ARHGAP17: variants seen among roughly 807,000 people sequenced by gnomAD.
ARHGAP17 encodes rho GTPase-activating protein 17.
In ARHGAP17, 57 loss-of-function variants were observed where a neutral mutation model predicts 99.5. The ratio of observed to expected loss-of-function variants is 0.57; its 90% CI spans 0.46 to 0.71. The LOEUF (loss-of-function observed/expected upper bound fraction) is 0.71. Ranked by LOEUF, ARHGAP17 falls within the 30% of genes least tolerant of loss-of-function variation. The pLI, the probability that ARHGAP17 is intolerant of heterozygous loss-of-function variation, is 0.00. For synonymous variants in ARHGAP17, 417 were observed against 429.6 expected, an observed-to-expected ratio of 0.97 and a Z score of 0.36; for missense variants, 1,000 against 1,122.4, an observed-to-expected ratio of 0.89 and a Z score of 1.56.
At chr16:24,933,661 T>C (rs1319152646) in intron 18 of ARHGAP17, among the ~76,000 whole-genome samples, 2 of 151,958 alleles carry the variant, frequency 1.3e-5, no homozygotes, top group African/African-American at 4.8e-5. Flanking sequence ...CAATACTAAT[T>C]GTAAAGTCAT....
At chr16:24,984,188 C>T (rs189238942) in intron 1 of ARHGAP17, among the ~76,000 whole-genome samples, 3 of 152,214 alleles carry the variant, frequency 2.0e-5, no homozygotes, top group Middle Eastern at 3.4e-3. Context: ...ACTATGGGAG[C>T]CAGGGACTCC....
At chr16:24,951,331 T>A (rs910351450) in intron 12 of ARHGAP17, among the ~76,000 whole-genome samples, 1 of 152,174 alleles carries the variant, frequency 6.6e-6, no homozygotes, top group African/African-American at 2.4e-5. Flanking sequence ...AAAATGTGGA[T>A]CACAACATCA....
intron 14 of ARHGAP17, among the ~76,000 whole-genome samples, chr16:24,944,901 C>T (rs2051423122): frequency 6.6e-6 from 1 of 150,770 alleles, no homozygotes. Context: ...CAGGCGTGAG[C>T]CACCGCGCCT....
At chr16:24,939,236 G>A (rs925583694) in intron 17 of ARHGAP17, 128 bp downstream of exon 17, 3 of 813,508 alleles carry the variant, frequency 3.7e-6, no homozygotes, top group Non-Finnish European at 5.5e-6. Flanking sequence ...AACCAGAGGA[G>A]TGAAAGTAAA....
intron 13 of ARHGAP17, 120 bp from the exon 14 acceptor site, chr16:24,947,715 C>T: frequency 2.7e-6 from 2 of 736,480 alleles, no homozygotes; most frequent in Non-Finnish European, 4.6e-6. Flanking sequence ...GTTCCTAAAT[C>T]AGAATCTGGC....
chr16:24,976,983 TGGA>T (rs1384300080), intron 3 of ARHGAP17, among the ~76,000 whole-genome samples: 30 of 152,234 alleles, frequency 2.0e-4, no homozygotes, highest in Non-Finnish European at 4.1e-4. Flanking sequence ...CACATGATCG[TGGA>T]GCTTTTAAAA....
intron 3 of ARHGAP17, among the ~76,000 whole-genome samples, chr16:24,976,569 G>T (rs1250606148): frequency 1.3e-5 from 2 of 151,770 alleles, no homozygotes; most frequent in African/African-American, 4.8e-5. Context: ...GAAAGGAAAG[G>T]GGAAAGGGGA....
chr16:24,982,665 A>G (rs923315604), intron 1 of ARHGAP17, among the ~76,000 whole-genome samples: 13 of 152,100 alleles, frequency 8.5e-5, no homozygotes, highest in African/African-American at 3.1e-4. Context: ...TGACTGGTCC[A>G]AGCCTTGGTG....
At chr16:24,968,481 AT>A in intron 5 of ARHGAP17, 54 bp from the exon 6 acceptor site, 1 of 1,598,640 alleles carries the variant, frequency 6.3e-7, no homozygotes, top group Non-Finnish European at 8.6e-7. Flanking sequence ...TAGGTTAACC[AT>A]TTTAAAGTAT....
intron 15 of ARHGAP17, 94 bp from the exon 16 acceptor site, chr16:24,942,237 T>G (rs1434240739): frequency 1.6e-6 from 2 of 1,260,882 alleles, no homozygotes; most frequent in Admixed American, 4.6e-5. Context: ...AACCTCGTTC[T>G]TCAGTCCACA....
intron 3 of ARHGAP17, among the ~76,000 whole-genome samples, chr16:24,975,656 A>C (rs2052492881): frequency 6.6e-6 from 1 of 152,192 alleles, no homozygotes; most frequent in Non-Finnish European, 1.5e-5. Context: ...GAAACATAAA[A>C]GGGTAACACA....
intron 7 of ARHGAP17, among the ~76,000 whole-genome samples, chr16:24,960,230 G>A (rs2051944470): frequency 1.3e-5 from 2 of 152,180 alleles, no homozygotes; most frequent in South Asian, 4.1e-4. Context: ...TACTTATGGT[G>A]TATTAACATC....
At chr16:24,944,816 C>T (rs145511466) in intron 14 of ARHGAP17, among the ~76,000 whole-genome samples, 2 of 151,782 alleles carry the variant, frequency 1.3e-5, no homozygotes, top group African/African-American at 2.4e-5. Context: ...CAGGGTTTCA[C>T]GGTGTTAGCC....
At chr16:24,959,617 G>C in intron 9 of ARHGAP17, 54 bp downstream of exon 9, 1 of 1,563,108 alleles carries the variant, frequency 6.4e-7, no homozygotes, top group Non-Finnish European at 8.8e-7. Flanking sequence ...GAAGAACCCA[G>C]GCAGAGGTGG....
At position 24,959,670 on chromosome 16, in the gene ARHGAP17, C is replaced by T; in HGVS notation, c.724+1G>A. On this transcript the variant is annotated splice_donor_variant, in intron 9 of 19. Coordinates refer to ENST00000289968, the MANE Select transcript of ARHGAP17 (RefSeq NM_001006634.3). LOFTEE classifies it high-confidence loss of function. ...CATCAGCCGCACGCGGGTTACATTA[C>T]CTTGATGGGCTCGCATTTCGGGGAG... 1 of 1,613,872 alleles carries T rather than the reference C, an allele frequency of 6.2e-7. No individual in the cohort carries two copies. Among genetic ancestry groups the T allele is most frequent in the Non-Finnish European group, 8.5e-7 (1 of 1,179,936 alleles).
At chr16:24,982,278 C>G (rs979722628) in intron 1 of ARHGAP17, among the ~76,000 whole-genome samples, 3 of 151,972 alleles carry the variant, frequency 2.0e-5, no homozygotes, top group Non-Finnish European at 4.4e-5. Context: ...GTGCCACACA[C>G]CTGTAGTCCC....
chr16:24,984,262 G>A (rs945155325), intron 1 of ARHGAP17, among the ~76,000 whole-genome samples: 8 of 152,214 alleles, frequency 5.3e-5, no homozygotes, highest in African/African-American at 1.4e-4. Flanking sequence ...TCCAAACAAT[G>A]AGCACTACCG....
At chr16:25,006,931 G>A (rs2053522582) in intron 1 of ARHGAP17, among the ~76,000 whole-genome samples, 1 of 152,162 alleles carries the variant, frequency 6.6e-6, no homozygotes, top group African/African-American at 2.4e-5. Flanking sequence ...ACCATGAGGT[G>A]ATAGTTATGG....
chr16:24,922,021 A>C (rs1597347634), intron 19 of ARHGAP17, among the ~76,000 whole-genome samples: 2 of 152,370 alleles, frequency 1.3e-5, no homozygotes, highest in African/African-American at 4.8e-5. Flanking sequence ...TTGTAGCTGC[A>C]CACTTGGATG....
Sources: allele counts gnomAD v4.1 joint callset (sites outside exome capture counted in the v4.1 genomes callset), GRCh38; gene constraint gnomAD v4.1.1; transcripts MANE v1.5; gene names NCBI Gene and HGNC (gene_info 2026-07-23, HGNC 2026-07-21).